CNTN4: variants seen among roughly 807,000 people sequenced by gnomAD.
CNTN4 encodes the protein contactin-4.
A neutral mutation model predicts 122.5 loss-of-function variants in CNTN4; 77 were observed. That is an observed-to-expected ratio of 0.63 (90% CI 0.52 to 0.76). CNTN4 has a LOEUF of 0.76. Among genes scored for constraint, CNTN4 ranks in the 30% least tolerant of loss-of-function variants. The pLI, the probability that CNTN4 is intolerant of heterozygous loss-of-function variation, is 0.00. For missense variants in CNTN4, 1,256 were observed against 1,259.1 expected (o/e 1.00, Z 0.04); for synonymous variants, 512 against 447.0 (o/e 1.15, Z -1.83).
At chr3:2,840,781 G>A (rs954555712) in intron 7 of CNTN4, among the ~76,000 whole-genome samples, 2 of 151,990 alleles carry the variant, frequency 1.3e-5, no homozygotes, top group Admixed American at 6.6e-5. Context: ...ATTTTTAAGC[G>A]AGACTACTGG....
At chr3:2,595,989 T>G (rs2080752230) in intron 4 of CNTN4, among the ~76,000 whole-genome samples, 1 of 152,190 alleles carries the variant, frequency 6.6e-6, no homozygotes, top group African/African-American at 2.4e-5. Flanking sequence ...CTATCATGGT[T>G]TTTCTCTTCT....
At chr3:2,705,565 A>G (rs1411874964) in intron 4 of CNTN4, among the ~76,000 whole-genome samples, 4 of 1,806 alleles carry the variant, frequency 2.2e-3, no homozygotes, top group Admixed American at 8.2e-3. Context: ...TAATTTATAA[A>G]TTTATAAATT....
intron 4 of CNTN4, among the ~76,000 whole-genome samples, chr3:2,624,627 C>CTTTTTTTTTTTTTTTTTTTTTTTTGTTTT (rs1175851279): frequency 1.1e-5 from 1 of 89,940 alleles, no homozygotes; most frequent in Non-Finnish European, 2.2e-5. Flanking sequence ...ATTTCTGATT[C>CTTTTTTTTTTTTTTTTTTTTTTTTGTTTT]TTTTTTTTTT....
intron 4 of CNTN4, among the ~76,000 whole-genome samples, chr3:2,695,567 T>G (rs2085981925): frequency 6.6e-6 from 1 of 152,196 alleles, no homozygotes; most frequent in South Asian, 2.1e-4. Context: ...GTTTATTCTG[T>G]AACAGGTTTT....
chr3:2,390,573 A>T (rs1344305030), intron 3 of CNTN4, among the ~76,000 whole-genome samples: 1 of 152,136 alleles, frequency 6.6e-6, no homozygotes, highest in Non-Finnish European at 1.5e-5. Context: ...TTCCTGTTGA[A>T]ATAATTGTAG....
chr3:2,415,900 G>A (rs1434232734), intron 3 of CNTN4, among the ~76,000 whole-genome samples: 1 of 151,996 alleles, frequency 6.6e-6, no homozygotes, highest in African/African-American at 2.4e-5. Flanking sequence ...AACTCTAGAA[G>A]CTTAATAACC....
chr3:2,290,193 A>G (rs1174079620), intron 2 of CNTN4, among the ~76,000 whole-genome samples: 2 of 152,166 alleles, frequency 1.3e-5, no homozygotes, highest in Non-Finnish European at 2.9e-5. Flanking sequence ...GATCCCAGAA[A>G]CAGGGGCAAT....
intron 2 of CNTN4, among the ~76,000 whole-genome samples, chr3:2,254,885 T>G (rs112526457): frequency 0.11 from 16,470 of 152,172 alleles, 1,077 homozygotes; most frequent in Middle Eastern, 0.15. Flanking sequence ...AGCTCTTTAG[T>G]TTAATTAGAT....
At chr3:2,277,649 T>A (rs2041566463) in intron 2 of CNTN4, among the ~76,000 whole-genome samples, 1 of 152,172 alleles carries the variant, frequency 6.6e-6, no homozygotes, top group South Asian at 2.1e-4. Flanking sequence ...TTCCCTCCTG[T>A]CTCCATTGTT....
intron 4 of CNTN4, among the ~76,000 whole-genome samples, chr3:2,591,705 GA>G (rs1314321563): frequency 4.0e-5 from 6 of 151,366 alleles, no homozygotes; most frequent in Non-Finnish European, 7.4e-5. Context: ...GAAACTAAGC[GA>G]AAAAAAATAT....
chr3:2,542,735 A>G (rs1018377745), intron 3 of CNTN4, among the ~76,000 whole-genome samples: 9 of 152,078 alleles, frequency 5.9e-5, no homozygotes, highest in Non-Finnish European at 1.0e-4. Context: ...TGAACTGGCA[A>G]AATTGCCACT....
At chr3:2,613,674 G>C (rs939164490) in intron 4 of CNTN4, among the ~76,000 whole-genome samples, 1 of 152,060 alleles carries the variant, frequency 6.6e-6, no homozygotes, top group African/African-American at 2.4e-5. Context: ...TATAATTCAT[G>C]AAAAAGACAA....
Position 2,545,252 on chromosome 3 carries a change from G to T in CNTN4, c.-88-26164G>T, listed in dbSNP as rs544493800. Among the ~76,000 whole-genome samples the T allele has an allele frequency of 5.3e-5, 8 of 152,010 alleles. No individual in the cohort carries two copies. The East Asian group carries it at 1.4e-3, about 26-fold the overall frequency. On this transcript the variant is annotated intron_variant, in intron 3 of 24. Coordinates refer to ENST00000418658, the MANE Select transcript of CNTN4 (RefSeq NM_175607.3). ...TTGTTGCTACAATTTTGAGTTTTTT[G>T]CATTTGCCTGAGGATTGTTTTATGT...
chr3:2,895,948 G>A (rs1306570003), intron 10 of CNTN4, among the ~76,000 whole-genome samples: 3 of 152,110 alleles, frequency 2.0e-5, no homozygotes, highest in Non-Finnish European at 4.4e-5. Flanking sequence ...CAGGAGAATG[G>A]CGTGAACCCA....
At chr3:2,209,236 G>A (rs916236474) in intron 2 of CNTN4, among the ~76,000 whole-genome samples, 2 of 152,102 alleles carry the variant, frequency 1.3e-5, no homozygotes, top group African/African-American at 2.4e-5. Flanking sequence ...CACACAAGAG[G>A]AGAGAGAGAA....
chr3:2,685,571 G>T (rs185458597), intron 4 of CNTN4, among the ~76,000 whole-genome samples: 5 of 152,282 alleles, frequency 3.3e-5, no homozygotes, highest in Non-Finnish European at 5.9e-5. Flanking sequence ...TATGCAAATA[G>T]TGTGAAGATT....
chr3:2,232,205 G>T (rs746110078), intron 2 of CNTN4, among the ~76,000 whole-genome samples: 18 of 151,988 alleles, frequency 1.2e-4, no homozygotes, highest in Non-Finnish European at 2.4e-4. Flanking sequence ...TATTTTTACA[G>T]TCAATGCCTC....
At chr3:2,152,127 G>T (rs2035517856) in intron 2 of CNTN4, among the ~76,000 whole-genome samples, 1 of 152,170 alleles carries the variant, frequency 6.6e-6, no homozygotes, top group East Asian at 1.9e-4. Context: ...TTTAAACAAA[G>T]TATTGAAGGA....
At chr3:2,228,703 G>A (rs191339528) in intron 2 of CNTN4, among the ~76,000 whole-genome samples, 1 of 152,256 alleles carries the variant, frequency 6.6e-6, no homozygotes, top group East Asian at 1.9e-4. Context: ...CTGAGTTTTA[G>A]TTGGAATATT....
Sources: gnomAD v4.1 joint callset for allele counts (sites outside exome capture counted in the v4.1 genomes callset) on GRCh38, gnomAD v4.1.1 for gene constraint, MANE v1.5 for transcripts, NCBI Gene and HGNC (gene_info 2026-07-23, HGNC 2026-07-21) for gene names.